Variants in NTM observed in about 807,000 individuals in gnomAD.
NTM encodes the protein neurotrimin, also known as IgLON family member 2.
Under a neutral mutation model 42.1 loss-of-function variants are expected in NTM, and 13 were observed. The ratio of observed to expected loss-of-function variants is 0.31; its 90% confidence interval spans 0.20 to 0.49. NTM has a LOEUF of 0.49. Ranked by LOEUF, NTM falls within the 20% of genes least tolerant of loss-of-function variation. The pLI is 0.99. For synonymous variants in NTM, 187 were observed against 179.2 expected, an observed-to-expected ratio of 1.04 and a Z score of -0.35; for missense variants, 373 against 452.8, an observed-to-expected ratio of 0.82 and a Z score of 1.60.
intron 1 of NTM, among the ~76,000 whole-genome samples, chr11:131,390,121 G>T (rs1943817469): frequency 6.6e-6 from 1 of 152,226 alleles, no homozygotes; most frequent in Non-Finnish European, 1.5e-5. Context: ...ACAAGCACCT[G>T]CTCAGTTTTG....
intron 1 of NTM, among the ~76,000 whole-genome samples, chr11:131,424,867 C>CTT (rs759720917): frequency 3.6e-5 from 5 of 138,532 alleles, no homozygotes; most frequent in Non-Finnish European, 1.6e-5. Flanking sequence ...CCACGCCCAG[C>CTT]TTTTTTTTTT....
intron 5 of NTM, among the ~76,000 whole-genome samples, chr11:132,308,179 TCTCA>T (rs1424509228): frequency 2.0e-5 from 3 of 152,214 alleles, no homozygotes; most frequent in Non-Finnish European, 4.4e-5. Flanking sequence ...TGCTGGAGCC[TCTCA>T]CTGTCTAGAC....
At chr11:131,958,295 T>C (rs750837953) in intron 2 of NTM, among the ~76,000 whole-genome samples, 2 of 152,018 alleles carry the variant, frequency 1.3e-5, no homozygotes, top group Admixed American at 6.6e-5. Context: ...GGGTAGGGTA[T>C]TTCCTCCCTC....
chr11:131,456,008 C>G (rs1367577389), intron 1 of NTM, among the ~76,000 whole-genome samples: 2 of 152,224 alleles, frequency 1.3e-5, no homozygotes, highest in East Asian at 3.8e-4. Context: ...TTCATTGGCA[C>G]TAGCAAAGTC....
At chr11:131,676,366 T>G (rs2071384823) in intron 1 of NTM, among the ~76,000 whole-genome samples, 1 of 152,192 alleles carries the variant, frequency 6.6e-6, no homozygotes, top group South Asian at 2.1e-4. Flanking sequence ...AAAGGAAATT[T>G]TAAGGGTCTA....
At chr11:132,181,283 T>C (rs544605100) in intron 3 of NTM, among the ~76,000 whole-genome samples, 15 of 152,314 alleles carry the variant, frequency 9.8e-5, no homozygotes, top group African/African-American at 3.4e-4. Flanking sequence ...GTTCCACATT[T>C]GAATCTTCCT....
chr11:131,968,262 C>T (rs923166674), intron 2 of NTM, among the ~76,000 whole-genome samples: 1 of 152,128 alleles, frequency 6.6e-6, no homozygotes, highest in Non-Finnish European at 1.5e-5. Flanking sequence ...AACCAAGAAT[C>T]AAACCAATTT....
chr11:131,678,723 CTTGGGGAAGAGG>C (rs2071876519), intron 1 of NTM, among the ~76,000 whole-genome samples: 1 of 152,190 alleles, frequency 6.6e-6, no homozygotes, highest in Non-Finnish European at 1.5e-5. Flanking sequence ...TCTTTTCCAC[CTTGGGGAAGAGG>C]TTGTCACTGG....
chr11:132,044,536 G>A (rs1192002163), intron 2 of NTM, among the ~76,000 whole-genome samples: 1 of 152,104 alleles, frequency 6.6e-6, no homozygotes, highest in Non-Finnish European at 1.5e-5. Context: ...ATCTTCTCAT[G>A]AGTCCATATA....
rs969807174 is a variant in NTM at position 131,914,094 on chromosome 11, C to T, written c.167+2446C>T. The stretch of plus-strand genomic sequence containing the variant: ...AGCCCCTGAACTCTCAAACATAGGT[C>T]CTGCATTTTCTTGTTCTGTGTACAG... On this transcript the variant is annotated intron_variant, in intron 2 of 8. Coordinates refer to ENST00000683400, the MANE Select transcript of NTM (RefSeq NM_001352005.2). Among the ~76,000 whole-genome samples, 4 of 152,146 alleles carry T rather than the reference C, an allele frequency of 2.6e-5. No homozygotes were observed. The East Asian group carries it at 7.7e-4, about 29-fold the overall frequency.
chr11:132,138,459 T>C (rs1042196405), intron 2 of NTM, among the ~76,000 whole-genome samples: 3 of 152,164 alleles, frequency 2.0e-5, no homozygotes, highest in South Asian at 2.1e-4. Flanking sequence ...GTGAACAGAA[T>C]GTACAGGAAA....
At chr11:132,278,312 T>C (rs1052805416) in intron 4 of NTM, among the ~76,000 whole-genome samples, 1 of 152,218 alleles carries the variant, frequency 6.6e-6, no homozygotes, top group African/African-American at 2.4e-5. Context: ...TCAACCTATC[T>C]CTGTTCCATG....
chr11:131,472,789 C>G (rs530760261), intron 1 of NTM, among the ~76,000 whole-genome samples: 1 of 152,036 alleles, frequency 6.6e-6, no homozygotes, highest in Non-Finnish European at 1.5e-5. Flanking sequence ...GAAACTGAGG[C>G]TGAAAGACAC....
At chr11:131,636,515 G>A (rs554034877) in intron 1 of NTM, among the ~76,000 whole-genome samples, 3 of 152,290 alleles carry the variant, frequency 2.0e-5, no homozygotes, top group South Asian at 2.1e-4. Context: ...CTGTGGACAC[G>A]GAGGGTCAAC....
intron 2 of NTM, among the ~76,000 whole-genome samples, chr11:132,060,202 A>C (rs1019928464): frequency 1.4e-4 from 22 of 152,298 alleles, no homozygotes; most frequent in Admixed American, 1.2e-3. Context: ...GTTACAATAC[A>C]TCCACCCCCT....
chr11:131,524,105 T>TCCTC (rs1246285569), intron 1 of NTM, among the ~76,000 whole-genome samples: 1 of 152,222 alleles, frequency 6.6e-6, no homozygotes, highest in African/African-American at 2.4e-5. Flanking sequence ...AGCTTGGTGA[T>TCCTC]CCTCCCACTC....
chr11:132,046,074 C>T (rs1266359772), intron 2 of NTM, among the ~76,000 whole-genome samples: 2 of 152,140 alleles, frequency 1.3e-5, no homozygotes, highest in Non-Finnish European at 1.5e-5. Flanking sequence ...TGTATGACCT[C>T]GAGTGAGTTA....
intron 1 of NTM, among the ~76,000 whole-genome samples, chr11:131,379,226 C>A (rs1355182827): frequency 6.6e-6 from 1 of 152,178 alleles, no homozygotes; most frequent in South Asian, 2.1e-4. Flanking sequence ...GGCTCTGACC[C>A]CTCAACAATG....
At chr11:131,786,815 C>T (rs887074953) in intron 1 of NTM, among the ~76,000 whole-genome samples, 1 of 152,204 alleles carries the variant, frequency 6.6e-6, no homozygotes, top group Non-Finnish European at 1.5e-5. Context: ...TCTGAAGAGG[C>T]ATTCTTAGAC....
Sources: gnomAD v4.1 joint callset for allele counts (sites outside exome capture counted in the v4.1 genomes callset) on GRCh38, gnomAD v4.1.1 for gene constraint, MANE v1.5 for transcripts, NCBI Gene and HGNC (gene_info 2026-07-23, HGNC 2026-07-21) for gene names.